Variants in CEP15 observed in about 807,000 individuals in gnomAD.
The protein encoded by CEP15 is centrosomal protein 15.
chr3:62,323,121 A>G, the CEP15 span, among the ~76,000 whole-genome samples: 1 of 152,194 alleles, frequency 6.6e-6, no homozygotes, highest in Non-Finnish European at 1.5e-5. Flanking sequence ...TTTCCTTTTA[A>G]TGAGCAAGTA....
the CEP15 span, among the ~76,000 whole-genome samples, chr3:62,324,983 T>A: frequency 6.6e-6 from 1 of 152,204 alleles, no homozygotes; most frequent in African/African-American, 2.4e-5. Context: ...TAGTATAATA[T>A]GAGTTAAGTA....
the CEP15 span, among the ~76,000 whole-genome samples, chr3:62,326,249 C>T: frequency 6.6e-6 from 1 of 152,160 alleles, no homozygotes; most frequent in African/African-American, 2.4e-5. Flanking sequence ...TTACAGGACC[C>T]TATCTCTCCT....
chr3:62,331,694 A>T, the CEP15 span, among the ~76,000 whole-genome samples: 1 of 152,134 alleles, frequency 6.6e-6, no homozygotes, highest in Non-Finnish European at 1.5e-5. Context: ...GACAATATGC[A>T]CTAAATCATG....
the CEP15 span, among the ~76,000 whole-genome samples, chr3:62,332,179 A>G: frequency 6.6e-6 from 1 of 152,084 alleles, no homozygotes; most frequent in Non-Finnish European, 1.5e-5. Context: ...TCTGGCATAT[A>G]CAGGACCCAC....
chr3:62,330,540 A>C, the CEP15 span, among the ~76,000 whole-genome samples: 2 of 152,180 alleles, frequency 1.3e-5, no homozygotes, highest in African/African-American at 4.8e-5. Context: ...CAAGATAAGA[A>C]TCTTTACCAG....
At chr3:62,335,794 G>A in the CEP15 span, 1 of 151,790 alleles carries the variant, frequency 6.6e-6, no homozygotes, top group African/African-American at 2.4e-5. Flanking sequence ...TTTTTCCAAA[G>A]CCGTTTGTGG....
the CEP15 span, among the ~76,000 whole-genome samples, chr3:62,320,264 A>G: frequency 1.3e-5 from 2 of 152,262 alleles, no homozygotes; most frequent in African/African-American, 4.8e-5. Flanking sequence ...CCTAATTCAT[A>G]GTATTCTTAG....
the CEP15 span, among the ~76,000 whole-genome samples, chr3:62,328,310 G>A: frequency 1.3e-5 from 2 of 152,066 alleles, no homozygotes; most frequent in Non-Finnish European, 2.9e-5. Context: ...TATGATACAG[G>A]CATAGCTATC....
the CEP15 span, chr3:62,324,133 T>G: frequency 2.0e-5 from 3 of 152,130 alleles, no homozygotes; most frequent in Non-Finnish European, 4.4e-5. Context: ...GTCTATAATC[T>G]TTGGATTACA....
the CEP15 span, chr3:62,320,603 C>A: frequency 9.1e-7 from 1 of 1,099,384 alleles, no homozygotes; most frequent in Non-Finnish European, 1.3e-6. Flanking sequence ...CACAGGATGA[C>A]TTAAAAATTT....
chr3:62,319,606 C>G, the CEP15 span: 1 of 152,242 alleles, frequency 6.6e-6, no homozygotes, highest in African/African-American at 2.4e-5. Context: ...ACTGGACACT[C>G]AGGCGGTGTG....
At chr3:62,322,858 A>C in the CEP15 span, among the ~76,000 whole-genome samples, 1 of 152,212 alleles carries the variant, frequency 6.6e-6, no homozygotes, top group Non-Finnish European at 1.5e-5. This position sits in a 1 kb window ranked among gnomAD's most constrained non-coding sequence, Gnocchi z 5.5. Context: ...AGGATAAAGG[A>C]AGAGGAAAAT....
At chr3:62,331,453 A>G in the CEP15 span, 3 of 1,365,682 alleles carry the variant, frequency 2.2e-6, no homozygotes, top group Non-Finnish European at 3.1e-6. Flanking sequence ...ATCTATCAGT[A>G]GTGCACTACA....
the CEP15 span, chr3:62,320,440 G>T: frequency 6.3e-7 from 1 of 1,595,340 alleles, no homozygotes. Context: ...AACTTTAAAT[G>T]TTTTTATTCT....
At chr3:62,336,097 TCTTTAA>T in the CEP15 span, 3 of 152,168 alleles carry the variant, frequency 2.0e-5, no homozygotes, top group Non-Finnish European at 4.4e-5. The surrounding 1 kb of genome is among the most constrained non-coding windows in gnomAD (Gnocchi z 4.4). Flanking sequence ...ATGAAGATAA[TCTTTAA>T]CTTTGTTTAC....
the CEP15 span, chr3:62,334,593 C>T: frequency 1.3e-5 from 2 of 151,858 alleles, no homozygotes; most frequent in East Asian, 1.9e-4. The surrounding 1 kb of genome is among the most constrained non-coding windows in gnomAD (Gnocchi z 4.9). Context: ...GGTGTCAGTC[C>T]GATGACAATT....
chr3:62,319,586 T>A, the CEP15 span: 1 of 152,266 alleles, frequency 6.6e-6, no homozygotes, highest in Non-Finnish European at 1.5e-5. Flanking sequence ...AGCGTGGGCT[T>A]TCTAGCAGGA....
the CEP15 span, among the ~76,000 whole-genome samples, chr3:62,325,219 G>GT: frequency 6.6e-6 from 1 of 152,004 alleles, no homozygotes; most frequent in Non-Finnish European, 1.5e-5. Flanking sequence ...GAAGACTATT[G>GT]TTTTTTTAAA....
At chr3:62,331,416 A>G in the CEP15 span, 1 of 1,606,908 alleles carries the variant, frequency 6.2e-7, no homozygotes, top group Non-Finnish European at 8.5e-7. Flanking sequence ...ATCTTAAGGA[A>G]CAAATGTAAA....
Sources: gnomAD v4.1 joint callset for allele counts (sites outside exome capture counted in the v4.1 genomes callset) on GRCh38, gnomAD v4.1.1 for gene constraint, Gnocchi (gnomAD v3.1) non-coding constraint, MANE v1.5 for transcripts, NCBI Gene and HGNC (gene_info 2026-07-23, HGNC 2026-07-21) for gene names.